Variants in C4orf50 observed in about 807,000 individuals in gnomAD.
C4orf50 encodes the protein uncharacterized protein C4orf50.
A neutral mutation model predicts 77.2 loss-of-function variants in C4orf50; 80 were observed. That is an observed-to-expected ratio of 1.04 (90% CI 0.87 to 1.25). The LOEUF (loss-of-function observed/expected upper bound fraction) is 1.25. C4orf50 is among the 50% of genes most tolerant of loss of function. The pLI is 0.00. For missense variants in C4orf50, 1,257 were observed against 1,152.9 expected (o/e 1.09, Z -1.31); for synonymous variants, 532 against 465.3 (o/e 1.14, Z -1.84).
intron 33 of C4orf50, among the ~76,000 whole-genome samples, chr4:5,964,409 G>T (rs1169735130): frequency 6.6e-6 from 1 of 150,726 alleles, no homozygotes; most frequent in African/African-American, 2.5e-5. Flanking sequence ...CTCTGTGGAT[G>T]GAGATACTGT....
At chr4:5,939,274 G>A (rs1431945134) in intron 7 of C4orf50, among the ~76,000 whole-genome samples, 1 of 152,022 alleles carries the variant, frequency 6.6e-6, no homozygotes, top group Non-Finnish European at 1.5e-5. Flanking sequence ...AGAAAGAAAT[G>A]GAATATACCA....
chr4:5,943,279 G>A (rs1041166170), intron 7 of C4orf50, among the ~76,000 whole-genome samples: 3 of 152,204 alleles, frequency 2.0e-5, no homozygotes, highest in African/African-American at 4.8e-5. Context: ...CAACAGAACC[G>A]AACAGTATCT....
downstream of C4orf50, among the ~76,000 whole-genome samples, chr4:5,952,319 A>T (rs986692911): frequency 3.3e-5 from 5 of 152,238 alleles, no homozygotes; most frequent in Non-Finnish European, 5.9e-5. This position sits in a 1 kb window ranked among gnomAD's most constrained non-coding sequence, Gnocchi z 4.4. Flanking sequence ...AAGTTAAGCC[A>T]CTTTTTAGCT....
chr4:6,012,586 G>A (rs746450906), intron 23 of C4orf50, among the ~76,000 whole-genome samples: 15 of 152,186 alleles, frequency 9.9e-5, no homozygotes, highest in Admixed American at 2.0e-4. Flanking sequence ...GAAGCTGGAA[G>A]TGGCTTAACT....
intron 7 of C4orf50, among the ~76,000 whole-genome samples, chr4:5,906,100 AAAGCCCTGG>A (rs1560534972): frequency 6.6e-6 from 1 of 152,232 alleles, no homozygotes; most frequent in East Asian, 1.9e-4. Flanking sequence ...AGCCAGTGCA[AAAGCCCTGG>A]AGAGAGAGGG....
At chr4:6,012,439 T>A (rs1415899317) in intron 23 of C4orf50, among the ~76,000 whole-genome samples, 1 of 152,206 alleles carries the variant, frequency 6.6e-6, no homozygotes, top group Non-Finnish European at 1.5e-5. Context: ...ACTTCCGGAC[T>A]CAGCATTGTC....
At position 5,990,867 on chromosome 4, in the gene C4orf50, C is replaced by T. The variant is rs1721247702; in HGVS notation, c.1222-43G>A. 7.5e-6 allele frequency: 3 copies of T among 398,958 alleles called. No individual in the cohort carries two copies. In the South Asian group the frequency reaches 3.9e-4, roughly 52 times the overall value. 24.7% of individuals were successfully genotyped at this position (398,958 alleles called of 1,614,324 possible). A position where few individuals can be genotyped will look rare whatever the true frequency, so the allele number is the denominator to read the frequency against. On this transcript the variant is annotated intron_variant, in intron 27 of 33. Transcript: ENST00000531445. ...AGATGAGGTGTGAAACAGCCCCTTC[C>T]TCCATTTAGCACCCCCACCTCCACT... is the stretch of plus-strand genomic sequence containing the variant.
intron 28 of C4orf50, among the ~76,000 whole-genome samples, chr4:5,986,705 A>C (rs1028745078): frequency 1.3e-5 from 2 of 151,794 alleles, no homozygotes; most frequent in African/African-American, 4.8e-5. Context: ...CACCCAGCTA[A>C]TTTTTGTATT....
chr4:5,917,519 T>C (rs978271445), intron 7 of C4orf50, among the ~76,000 whole-genome samples: 1 of 146,044 alleles, frequency 6.8e-6, no homozygotes, highest in Non-Finnish European at 1.5e-5. Context: ...GTTCAAGCGA[T>C]ACTCCTGCCT....
At chr4:5,975,003 G>C (rs1316578396) in intron 30 of C4orf50, among the ~76,000 whole-genome samples, 1 of 151,904 alleles carries the variant, frequency 6.6e-6, no homozygotes, top group Non-Finnish European at 1.5e-5. Context: ...AGCCAAGTGT[G>C]GTGGCACATG....
intron 23 of C4orf50, among the ~76,000 whole-genome samples, chr4:6,014,957 C>T (rs1419834320): frequency 6.6e-6 from 1 of 152,236 alleles, no homozygotes; most frequent in Admixed American, 6.5e-5. Context: ...CTGTCTTTCC[C>T]TCCCCCATGG....
At position 5,909,502 on chromosome 4, in the gene C4orf50, C is replaced by A. The variant is rs138112108; in HGVS notation, c.*2475-11314G>T. On this transcript the variant is annotated intron_variant, in intron 7 of 7. Coordinates refer to the C4orf50 transcript ENST00000324058. ...GATTGTTTCCTTTGCTGTGCAGGAACCTTTTAGTTTGATACAATCACAGTT... is the reference window on the plus strand; with the variant it reads ...GATTGTTTCCTTTGCTGTGCAGGAAACTTTTAGTTTGATACAATCACAGTT... Among the ~76,000 whole-genome samples, 743 of 152,260 alleles carry A rather than the reference C, an allele frequency of 4.9e-3. 3 individuals are homozygous for A. Among genetic ancestry groups the A allele is most frequent in the Non-Finnish European group, 7.4e-3 (506 of 68,010 alleles).
rs535665826 is a variant in C4orf50, at chr4:5,986,603, A to G, written c.3699+1744T>C. Among the ~76,000 whole-genome samples the G allele has an allele frequency of 3.6e-3, 549 of 150,984 alleles. 2 individuals carry two copies. Among genetic ancestry groups the G allele is most frequent in the African/African-American group, 0.013 (524 of 41,008 alleles). On this transcript the variant is annotated intron_variant, in intron 28 of 33. Coordinates refer to ENST00000531445, the Ensembl canonical transcript of C4orf50. ...GCCCAGGCTGGAGTGCAGTGGCACA[A>G]TCTCGGCTCACTGCAACCTCCGCCT... is the stretch of plus-strand genomic sequence containing the variant.
At chr4:5,980,263 T>G in exon 29 of C4orf50, 1 of 1,612,876 alleles carries the variant, frequency 6.2e-7, no homozygotes, top group Non-Finnish European at 8.5e-7. Context: ...CACTGCAGGG[T>G]CAGCACCCGG....
rs1381350976 is a variant in C4orf50 at position 6,009,333 on chromosome 4, T to C, written c.427-801A>G. 6.6e-6 allele frequency among the ~76,000 whole-genome samples: 1 copy of C among 152,236 alleles called. No homozygotes were observed. The highest frequency in any genetic ancestry group is 2.4e-5 in the African/African-American group (1 of 41,464). ...CAAAGGGATAGAACTACGTCTACGT[T>C]AATCTTTCAACTACTGTCACCTGCC... On this transcript the variant is annotated intron_variant, in intron 24 of 33. Coordinates refer to ENST00000531445, the Ensembl canonical transcript of C4orf50. The surrounding 1 kb of genome is among the most constrained non-coding windows in gnomAD (Gnocchi z 5.6).
At chr4:6,001,817 T>C (rs1358081158) in intron 25 of C4orf50, among the ~76,000 whole-genome samples, 1 of 152,218 alleles carries the variant, frequency 6.6e-6, no homozygotes, top group African/African-American at 2.4e-5. Flanking sequence ...AATAAATGTA[T>C]AGCATGTCAG....
exon 28 of C4orf50, chr4:5,989,038 A>T (rs1255702016): frequency 6.5e-7 from 1 of 1,535,962 alleles, no homozygotes; most frequent in African/African-American, 1.4e-5. Flanking sequence ...GCAGTCTTCA[A>T]GGTCAGAGAT....
chr4:5,962,064 C>G (rs1489941359), intron 33 of C4orf50, among the ~76,000 whole-genome samples: 1 of 152,196 alleles, frequency 6.6e-6, no homozygotes, highest in Non-Finnish European at 1.5e-5. Context: ...GACGACTGGA[C>G]AGAACCAAGA....
downstream of C4orf50, among the ~76,000 whole-genome samples, chr4:5,954,784 G>A (rs1486485205): frequency 6.6e-6 from 1 of 152,180 alleles, no homozygotes; most frequent in Admixed American, 6.5e-5. The surrounding 1 kb of genome is among the most constrained non-coding windows in gnomAD (Gnocchi z 4.7). Context: ...AGAAGGCCCA[G>A]ACAAAACAAC....
Sources: allele counts gnomAD v4.1 joint callset (sites outside exome capture counted in the v4.1 genomes callset), GRCh38; gene constraint gnomAD v4.1.1; non-coding constraint Gnocchi (gnomAD v3.1); transcripts MANE v1.5; gene names NCBI Gene and HGNC (gene_info 2026-07-23, HGNC 2026-07-21).